Variants in CNTN4 observed in about 807,000 individuals in gnomAD.
CNTN4 encodes contactin-4.
A neutral mutation model predicts 122.5 loss-of-function variants in CNTN4; 77 were observed. That is an observed-to-expected ratio of 0.63 (90% CI 0.52 to 0.76). The LOEUF is 0.76. Among genes scored for constraint, CNTN4 ranks in the 30% least tolerant of loss-of-function variants. The pLI, the probability that CNTN4 is intolerant of heterozygous loss-of-function variation, is 0.00. For synonymous variants in CNTN4, 512 were observed against 447.0 expected, an observed-to-expected ratio of 1.15 and a Z score of -1.83; for missense variants, 1,256 against 1,259.1, an observed-to-expected ratio of 1.00 and a Z score of 0.04.
At chr3:3,008,681 A>T (rs962254395) in intron 14 of CNTN4, among the ~76,000 whole-genome samples, 1 of 152,254 alleles carries the variant, frequency 6.6e-6, no homozygotes, top group Admixed American at 6.5e-5. Flanking sequence ...AACCTGACAC[A>T]GAGACACTCT....
chr3:2,926,777 A>G (rs1168748136), intron 13 of CNTN4, among the ~76,000 whole-genome samples: 2 of 71,380 alleles, frequency 2.8e-5, no homozygotes, highest in African/African-American at 4.6e-5. Context: ...TGGTGTATTC[A>G]TACTTTTTTT....
intron 5 of CNTN4, among the ~76,000 whole-genome samples, chr3:2,742,612 T>G (rs1269255970): frequency 1.3e-5 from 2 of 151,996 alleles, no homozygotes; most frequent in East Asian, 3.9e-4. Flanking sequence ...CCCTCCAGAG[T>G]GTCACAGCAT....
At chr3:2,762,967 A>T (rs1377495426) in intron 6 of CNTN4, among the ~76,000 whole-genome samples, 1 of 110,418 alleles carries the variant, frequency 9.1e-6, no homozygotes, top group Admixed American at 1.2e-4. Flanking sequence ...TTTTAGACTG[A>T]GTCTCGCTGT....
chr3:2,577,120 C>A (rs1293214314), intron 4 of CNTN4, among the ~76,000 whole-genome samples: 1 of 152,152 alleles, frequency 6.6e-6, no homozygotes, highest in African/African-American at 2.4e-5. Context: ...ACAATAACTC[C>A]TTCTACTTTT....
intron 3 of CNTN4, among the ~76,000 whole-genome samples, chr3:2,383,814 C>G (rs2046126824): frequency 6.6e-6 from 1 of 151,424 alleles, no homozygotes; most frequent in Non-Finnish European, 1.5e-5. Flanking sequence ...CCCTCTGTCT[C>G]CCTCTCCTCT....
chr3:2,278,644 C>G (rs1335297024), intron 2 of CNTN4, among the ~76,000 whole-genome samples: 2 of 152,180 alleles, frequency 1.3e-5, no homozygotes, highest in Non-Finnish European at 2.9e-5. Context: ...ACTATTACAG[C>G]ATAGTCATTA....
intron 4 of CNTN4, among the ~76,000 whole-genome samples, chr3:2,630,254 G>C (rs765574166): frequency 1.3e-4 from 20 of 152,112 alleles, no homozygotes; most frequent in Non-Finnish European, 2.6e-4. Context: ...GGCCAACATG[G>C]TGAAACCCCA....
At chr3:2,759,157 C>G (rs2149675836) in intron 6 of CNTN4, among the ~76,000 whole-genome samples, 1 of 152,118 alleles carries the variant, frequency 6.6e-6, no homozygotes, top group Non-Finnish European at 1.5e-5. Context: ...TACTTCATTT[C>G]TTTTTTCTTT....
chr3:2,356,939 C>A (rs1219671178), intron 3 of CNTN4, among the ~76,000 whole-genome samples: 1 of 152,174 alleles, frequency 6.6e-6, no homozygotes, highest in Non-Finnish European at 1.5e-5. Context: ...AAGACTAGCA[C>A]TAGACATTTT....
At chr3:2,457,174 C>T (rs2049035940) in intron 3 of CNTN4, among the ~76,000 whole-genome samples, 1 of 152,050 alleles carries the variant, frequency 6.6e-6, no homozygotes, top group African/African-American at 2.4e-5. Context: ...ACCAAGCTTG[C>T]CTGCTTTTCC....
intron 2 of CNTN4, among the ~76,000 whole-genome samples, chr3:2,154,403 A>T (rs546261287): frequency 1.7e-4 from 26 of 151,646 alleles, no homozygotes; most frequent in African/African-American, 5.6e-4. Context: ...ATAAAAGTGG[A>T]TATGGTAATT....
intron 3 of CNTN4, among the ~76,000 whole-genome samples, chr3:2,380,622 A>C (rs2045982357): frequency 1.3e-5 from 2 of 152,162 alleles, no homozygotes; most frequent in African/African-American, 4.8e-5. Context: ...CAGTTTACCC[A>C]GGTCATTTAC....
chr3:2,946,876 C>G (rs1456547536), intron 13 of CNTN4, among the ~76,000 whole-genome samples: 2 of 151,794 alleles, frequency 1.3e-5, no homozygotes, highest in African/African-American at 4.8e-5. Flanking sequence ...CAGCTAATTT[C>G]TTAACGTTTT....
At chr3:2,892,541 T>A (rs1390669958) in intron 10 of CNTN4, among the ~76,000 whole-genome samples, 1 of 152,246 alleles carries the variant, frequency 6.6e-6, no homozygotes, top group African/African-American at 2.4e-5. Context: ...AAATATAAAA[T>A]GTATTTAATT....
chr3:2,230,077 A>G (rs2039428185), intron 2 of CNTN4, among the ~76,000 whole-genome samples: 1 of 152,136 alleles, frequency 6.6e-6, no homozygotes, highest in Non-Finnish European at 1.5e-5. Flanking sequence ...TCCCTACTCT[A>G]TTTACTTGTT....
intron 3 of CNTN4, among the ~76,000 whole-genome samples, chr3:2,355,251 A>G (rs1183473858): frequency 6.6e-6 from 1 of 152,206 alleles, no homozygotes; most frequent in East Asian, 1.9e-4. Context: ...AACTAGAGAT[A>G]TTTTGCTCAA....
intron 7 of CNTN4, among the ~76,000 whole-genome samples, chr3:2,845,609 T>G (rs972019316): frequency 6.6e-6 from 1 of 152,222 alleles, no homozygotes; most frequent in African/African-American, 2.4e-5. Flanking sequence ...GTTTTTCACA[T>G]GGTTTGAAAA....
chr3:2,631,650 A>G (rs922008759), intron 4 of CNTN4, among the ~76,000 whole-genome samples: 5 of 151,886 alleles, frequency 3.3e-5, no homozygotes, highest in Admixed American at 6.6e-5. Flanking sequence ...TAATTTGAAG[A>G]AACAGAAGTC....
At chr3:2,515,984 GA>G (rs1423179857) in intron 3 of CNTN4, among the ~76,000 whole-genome samples, 1 of 151,998 alleles carries the variant, frequency 6.6e-6, no homozygotes, top group East Asian at 1.9e-4. Flanking sequence ...GTGGCCATTT[GA>G]TGACAGTAAT....
Sources: allele counts gnomAD v4.1 joint callset (sites outside exome capture counted in the v4.1 genomes callset), GRCh38; gene constraint gnomAD v4.1.1; transcripts MANE v1.5; gene names NCBI Gene and HGNC (gene_info 2026-07-23, HGNC 2026-07-21).